ABCA10: variants seen among roughly 807,000 people sequenced by gnomAD.
ABCA10 encodes the protein ATP-binding cassette sub-family A member 10.
A neutral mutation model predicts 187.5 loss-of-function variants in ABCA10; 169 were observed. That is an observed-to-expected ratio of 0.90 (90% confidence interval 0.80 to 1.02). The LOEUF is 1.02. ABCA10 is among the 50% of genes least tolerant of loss of function. ABCA10 has a pLI of 0.00. For synonymous variants in ABCA10, 574 were observed against 601.8 expected, an observed-to-expected ratio of 0.95 and a Z score of 0.68; for missense variants, 1,727 against 1,812.4, an observed-to-expected ratio of 0.95 and a Z score of 0.86.
intron 6 of ABCA10, 29 bp from the exon 7 acceptor site, chr17:69,216,387 C>T (rs1364274678): frequency 1.9e-5 from 30 of 1,585,946 alleles, no homozygotes; most frequent in Non-Finnish European, 2.3e-5. Context: ...GTTAGTTCAA[C>T]TGTCACAAAC....
At chr17:69,243,239 G>A (rs1012935949) in intron 1 of ABCA10, among the ~76,000 whole-genome samples, 3 of 152,200 alleles carry the variant, frequency 2.0e-5, no homozygotes, top group Non-Finnish European at 4.4e-5. Context: ...GTATTTATTT[G>A]AGAATCTTGC....
intron 9 of ABCA10, among the ~76,000 whole-genome samples, chr17:69,208,488 T>A (rs1473035074): frequency 6.6e-6 from 1 of 150,734 alleles, no homozygotes; most frequent in Non-Finnish European, 1.5e-5. Flanking sequence ...AACCAAAAAT[T>A]TAGTATGGCA....
chr17:69,192,280 G>C (rs1333807899), intron 16 of ABCA10, among the ~76,000 whole-genome samples: 1 of 152,006 alleles, frequency 6.6e-6, no homozygotes, highest in Non-Finnish European at 1.5e-5. Flanking sequence ...CTGCACTCCA[G>C]CCTGGCAACA....
In ABCA10 at chr17:69,154,316, C is replaced by T. The variant is rs1598084905; in HGVS notation, c.3705G>A (p.Leu1235=). 1 of 1,596,300 alleles carries T rather than the reference C, an allele frequency of 6.3e-7. No homozygotes were observed. The highest frequency in any genetic ancestry group is 8.5e-7 in the Non-Finnish European group (1 of 1,174,684). The change falls in exon 31 of 39, where the codon TTG becomes TTA. Residue 1235 remains leucine (L), a synonymous_variant. Transcript: ENST00000690296. ...CAGCTCCATTGTGTCCTAGTAATCC[C>T]AAAACTTCACCTGGAAGAAAGAGTC... is the stretch of plus-strand genomic sequence containing the variant. ...VSFCVKKGEV[L]GLLGHNGAGK...
intron 10 of ABCA10, 74 bp downstream of exon 10, chr17:69,201,426 C>G: frequency 7.9e-7 from 1 of 1,273,766 alleles, no homozygotes; most frequent in South Asian, 2.1e-5. Flanking sequence ...TAATCTATAT[C>G]AACATTTGAC....
rs2074252712 is a variant in ABCA10, at chr17:69,166,037, T to C, written c.3163-954A>G. Reference sequence around the variant, plus strand: ...AACATAAAGATGCAGAATTAAATCATGACTGCATAAAATTAACTGTAGAAC... The same window carrying C: ...AACATAAAGATGCAGAATTAAATCACGACTGCATAAAATTAACTGTAGAAC... On this transcript the variant is annotated intron_variant, in intron 25 of 38. Coordinates refer to ENST00000690296, the MANE Select transcript of ABCA10 (RefSeq NM_001377321.1). 2.0e-5 allele frequency among the ~76,000 whole-genome samples: 3 copies of C among 152,178 alleles called. No individual in the cohort carries two copies. The South Asian group carries it at 6.2e-4, about 31-fold the overall frequency.
At chr17:69,185,387 C>T (rs2074413243) in intron 20 of ABCA10, 90 bp downstream of exon 20, 1 of 1,326,162 alleles carries the variant, frequency 7.5e-7, no homozygotes, top group East Asian at 2.4e-5. Context: ...GGATAGACAC[C>T]ATTTTTGTTT....
chr17:69,196,127 C>T (rs113990098), intron 11 of ABCA10: 28,249 of 161,334 alleles, frequency 0.18, 3,432 homozygotes, highest in African/African-American at 0.35. Flanking sequence ...ACCTCCCAGA[C>T]GGGGCGGCTG....
chr17:69,197,130 A>C lies in ABCA10; in HGVS notation c.1176-8T>G. 6.4e-7 allele frequency: 1 copy of C among 1,573,278 alleles called. No homozygotes were observed. The highest frequency in any genetic ancestry group is 2.2e-5 in the East Asian group (1 of 44,682). ...TTTATAACATTTCTGATTCTGAAAG[A>C]AGATGAAGTAATTTTCATGTAAATG... On this transcript the variant is annotated splice_polypyrimidine_tract_variant and splice_region_variant and intron_variant, in intron 10 of 38. Transcript: ENST00000690296.
intron 19 of ABCA10, among the ~76,000 whole-genome samples, chr17:69,186,060 A>G (rs756408766): frequency 6.6e-4 from 101 of 152,310 alleles, no homozygotes; most frequent in Middle Eastern, 6.8e-3. Context: ...AACTTTCTTC[A>G]ATTGTTAGTT....
At chr17:69,166,620 AG>A (rs1240458779) in intron 25 of ABCA10, among the ~76,000 whole-genome samples, 1 of 152,212 alleles carries the variant, frequency 6.6e-6, no homozygotes, top group Non-Finnish European at 1.5e-5. Context: ...CTTAAATAAA[AG>A]GTTAAAGATC....
chr17:69,203,024 T>C (rs2074559760), intron 9 of ABCA10, among the ~76,000 whole-genome samples: 2 of 152,116 alleles, frequency 1.3e-5, no homozygotes, highest in Non-Finnish European at 2.9e-5. Context: ...AAAGAAGAGC[T>C]AAGGAAGAAG....
chr17:69,168,538 CA>C (rs544463155), intron 25 of ABCA10, among the ~76,000 whole-genome samples: 8 of 152,032 alleles, frequency 5.3e-5, no homozygotes, highest in African/African-American at 9.7e-5. Context: ...ACCAAATAAT[CA>C]AAAAATATGC....
intron 1 of ABCA10, among the ~76,000 whole-genome samples, chr17:69,235,669 ACT>A (rs1245868710): frequency 2.7e-5 from 4 of 149,706 alleles, no homozygotes; most frequent in African/African-American, 9.9e-5. Flanking sequence ...TCAGAGTTTC[ACT>A]CTTTTTCTGT....
At chr17:69,238,341 A>G (rs937007198) in intron 1 of ABCA10, among the ~76,000 whole-genome samples, 1 of 152,068 alleles carries the variant, frequency 6.6e-6, no homozygotes, top group African/African-American at 2.4e-5. Flanking sequence ...TTGTGGTACT[A>G]TGTTACAGCA....
At chr17:69,203,519 A>G (rs1396299473) in intron 9 of ABCA10, among the ~76,000 whole-genome samples, 1 of 152,100 alleles carries the variant, frequency 6.6e-6, no homozygotes, top group African/African-American at 2.4e-5. Flanking sequence ...ATTAACCACC[A>G]AATCAAATTT....
chr17:69,244,836 T>G (rs1399042172), exon 1 of ABCA10: 1 of 150,780 alleles, frequency 6.6e-6, no homozygotes, highest in Admixed American at 6.6e-5. Context: ...AAAACGTTGT[T>G]AGTACTACTA....
Position 69,190,448 on chromosome 17 carries a change from C to T in ABCA10, c.2041G>A (p.Asp681Asn), listed in dbSNP as rs755628879. The T allele has an allele frequency of 1.9e-6, 3 of 1,581,444 alleles. No homozygotes were observed. Among genetic ancestry groups the T allele is most frequent in the Non-Finnish European group, 2.6e-6 (3 of 1,170,698 alleles). ...DLYSDLDKCS[D>N]QGIRNYAVSV... ...ACAGCATAATTCCTTATGCCCTGGT[C>T]AGAACACTTATCAAGGTCACTGTAA... The change falls in exon 18 of 39, where the codon GAC becomes AAC. Residue 681 changes from aspartate (D) to asparagine (N), a missense_variant. Transcript: ENST00000690296.
At position 69,193,868 on chromosome 17, in the gene ABCA10, G is replaced by C. The variant is rs775639759; in HGVS notation, c.1467C>G (p.Asn489Lys). 4 of 1,613,422 alleles carry C rather than the reference G, an allele frequency of 2.5e-6. No homozygotes were observed. Among genetic ancestry groups the C allele is most frequent in the Admixed American group, 1.7e-5 (1 of 59,964 alleles). Reference protein sequence around the residue: ...FQFDFLTVRENLRVFAKIKGI... With the variant: ...FQFDFLTVREKLRVFAKIKGI... ...CTTTTATTTTAGCAAATACCCTGAG[G>C]TTTTCTCTCACAGTGAGGAAGTCAA... Residue 489 changes from asparagine (N) to lysine (K), a missense_variant, in exon 13 of 39, where the codon AAC (asparagine) becomes AAG (lysine). By Grantham distance (94) the Asn-to-Lys change is moderately conservative (BLOSUM62 0). Transcript: ENST00000690296.
Sources: allele counts gnomAD v4.1 joint callset (sites outside exome capture counted in the v4.1 genomes callset), GRCh38; gene constraint gnomAD v4.1.1; transcripts MANE v1.5; gene names NCBI Gene and HGNC (gene_info 2026-07-23, HGNC 2026-07-21).